Variants in SPATS2L observed in about 807,000 individuals in gnomAD.
SPATS2L encodes the protein SPATS2-like protein.
In SPATS2L, 30 loss-of-function variants were observed where a neutral mutation model predicts 59.6. The ratio of observed to expected loss-of-function variants is 0.50; its 90% confidence interval spans 0.38 to 0.68. The LOEUF is 0.68. SPATS2L is among the 30% of genes least tolerant of loss of function. The pLI is 0.00. For missense variants in SPATS2L, 615 were observed against 700.0 expected (o/e 0.88, Z 1.37); for synonymous variants, 252 against 263.5 (o/e 0.96, Z 0.42).
chr2:200,327,231 C>T (rs987336251), intron 1 of SPATS2L, among the ~76,000 whole-genome samples: 3 of 151,912 alleles, frequency 2.0e-5, no homozygotes, highest in South Asian at 4.2e-4. Flanking sequence ...TGGTGAAACC[C>T]CATCTCTATT....
intron 8 of SPATS2L, among the ~76,000 whole-genome samples, chr2:200,451,838 T>TC (rs1400430018): frequency 2.0e-5 from 3 of 147,010 alleles, no homozygotes; most frequent in East Asian, 2.0e-4. Flanking sequence ...TTTTCTTTTC[T>TC]TTTTTTGGAA....
In SPATS2L at chr2:200,333,588, G is replaced by T. The variant is rs2080033239; in HGVS notation, c.-23+4108G>T. On this transcript the variant is annotated intron_variant, in intron 2 of 12. Transcript: ENST00000409140. ...ACATATGTATACATGTGCCATGTTG[G>T]TGTGCTGCACCCATTAACTCGTCAT... 1.3e-5 allele frequency among the ~76,000 whole-genome samples: 2 copies of T among 151,876 alleles called. 1 individual carries two copies. Among genetic ancestry groups the T allele is most frequent in the South Asian group, 4.2e-4 (2 of 4,804 alleles).
In SPATS2L at chr2:200,478,189, A is replaced by G. The variant is rs2106262585; in HGVS notation, c.*158A>G. 11 of 656,338 alleles carry G rather than the reference A, an allele frequency of 1.7e-5. No homozygotes were observed. The highest frequency in any genetic ancestry group is 2.5e-5 in the Non-Finnish European group (11 of 438,160). 40.7% of individuals were successfully genotyped at this position (656,338 alleles called of 1,614,324 possible). ...TTTACTAATTCTAATAATCAGCTCT[A>G]GCTTGCTTCATAATTTTCATGGCTT... On this transcript the variant is annotated 3_prime_UTR_variant, in exon 13 of 13. Transcript: ENST00000409140.
chr2:200,424,045 T>C (rs1335643888), intron 6 of SPATS2L, among the ~76,000 whole-genome samples: 4 of 152,208 alleles, frequency 2.6e-5, no homozygotes, highest in Admixed American at 6.5e-5. Flanking sequence ...GCAGATCGTT[T>C]AGAAGTTTAG....
At chr2:200,429,326 A>C (rs1046569116) in intron 6 of SPATS2L, among the ~76,000 whole-genome samples, 4 of 152,254 alleles carry the variant, frequency 2.6e-5, no homozygotes, top group Admixed American at 6.5e-5. Flanking sequence ...GTCCACATTT[A>C]GCATGAGAGC....
chr2:200,369,130 A>T (rs2105887469), intron 2 of SPATS2L, among the ~76,000 whole-genome samples: 1 of 151,812 alleles, frequency 6.6e-6, no homozygotes, highest in South Asian at 2.1e-4. Flanking sequence ...TGTTCAAATT[A>T]ACTCATAAAA....
At chr2:200,388,598 A>C (rs1376925026) in intron 2 of SPATS2L, among the ~76,000 whole-genome samples, 1 of 69,376 alleles carries the variant, frequency 1.4e-5, no homozygotes, top group Non-Finnish European at 2.8e-5. Flanking sequence ...GCTCAAAAAA[A>C]AAGGTTTTGA....
rs115016607 is a variant in SPATS2L, at chr2:200,355,766, A to G, written c.-23+26286A>G. 2.8e-3 allele frequency among the ~76,000 whole-genome samples: 422 copies of G among 152,334 alleles called. 4 individuals are homozygous for G. The highest frequency in any genetic ancestry group is 9.7e-3 in the African/African-American group (404 of 41,584). ...AGCAAACACATTTGCAGGTAATTAG[A>G]AGACAGAATATAATTCAGACAATTT... On this transcript the variant is annotated intron_variant, in intron 2 of 12. Transcript: ENST00000409140.
chr2:200,435,182 C>T (rs1389484621), intron 6 of SPATS2L, among the ~76,000 whole-genome samples: 3 of 152,132 alleles, frequency 2.0e-5, no homozygotes, highest in Non-Finnish European at 2.9e-5. Flanking sequence ...GTGCACTCTC[C>T]ATATGTGTCT....
chr2:200,319,752 G>A (rs953775434), intron 1 of SPATS2L, among the ~76,000 whole-genome samples: 1 of 152,020 alleles, frequency 6.6e-6, no homozygotes, highest in African/African-American at 2.4e-5. Flanking sequence ...GTTCACATAC[G>A]AAGCTAAAGA....
At chr2:200,330,151 T>C (rs1018322996) in intron 2 of SPATS2L, among the ~76,000 whole-genome samples, 1 of 47,570 alleles carries the variant, frequency 2.1e-5, no homozygotes, top group African/African-American at 4.6e-5. Context: ...ATTGTCAAGA[T>C]GTTTTCAAGC....
At chr2:200,407,799 T>C (rs1030987982) in intron 3 of SPATS2L, among the ~76,000 whole-genome samples, 2 of 152,208 alleles carry the variant, frequency 1.3e-5, no homozygotes, top group Non-Finnish European at 2.9e-5. Context: ...CCCACTGTTA[T>C]CATGAGTGGT....
chr2:200,372,076 TG>T, intron 2 of SPATS2L: 1 of 985,448 alleles, frequency 1.0e-6, no homozygotes, highest in Non-Finnish European at 1.2e-6. Context: ...AGGTATCAGC[TG>T]GACTTGACTT....
In SPATS2L at chr2:200,448,152, A is replaced by G. The variant is rs543053144; in HGVS notation, c.788+7368A>G. Among the ~76,000 whole-genome samples, 13 of 152,258 alleles carry G rather than the reference A, an allele frequency of 8.5e-5. No individual in the cohort carries two copies. In the South Asian group the frequency reaches 2.7e-3, roughly 32 times the overall value. ...CAGAGAAAGACCCTGTCTCAAAAAC[A>G]AACAAACGGGTGGGCACAGTGGCCC... On this transcript the variant is annotated intron_variant, in intron 8 of 12. Coordinates refer to ENST00000409140, the MANE Select transcript of SPATS2L (RefSeq NM_001100423.2).
At chr2:200,434,969 G>A (rs1309218441) in intron 6 of SPATS2L, among the ~76,000 whole-genome samples, 3 of 152,088 alleles carry the variant, frequency 2.0e-5, no homozygotes, top group African/African-American at 4.8e-5. Context: ...CAGCTAGATC[G>A]GTGGAATAGA....
intron 3 of SPATS2L, among the ~76,000 whole-genome samples, chr2:200,402,458 C>G (rs1443595939): frequency 6.6e-6 from 1 of 152,188 alleles, no homozygotes; most frequent in Non-Finnish European, 1.5e-5. Context: ...ACGTTGTGCC[C>G]TCTTCCTGGA....
intron 2 of SPATS2L, among the ~76,000 whole-genome samples, chr2:200,359,672 G>A (rs549795184): frequency 1.9e-4 from 29 of 152,328 alleles, no homozygotes; most frequent in African/African-American, 7.0e-4. Context: ...TATTTGGCAT[G>A]CACCTCCCAT....
intron 1 of SPATS2L, among the ~76,000 whole-genome samples, chr2:200,312,930 G>A (rs7599609): frequency 0.4 from 60,480 of 152,094 alleles, 13,405 homozygotes; most frequent in East Asian, 0.73. Context: ...CATCATCATA[G>A]TTATCACTTA....
Position 200,384,364 on chromosome 2 carries a change from AT to A in SPATS2L, c.-22-4856del, listed in dbSNP as rs921354487. On this transcript the variant is annotated intron_variant, in intron 2 of 12. Coordinates refer to ENST00000409140, the MANE Select transcript of SPATS2L (RefSeq NM_001100423.2). ...TATTTATTTATTTATTTATTTATTT[AT>A]TTATTTGAGATGGAGTCTTGCTCTG... Among the ~76,000 whole-genome samples the A allele has an allele frequency of 1.2e-3, 181 of 151,622 alleles. 1 individual carries two copies. The highest frequency in any genetic ancestry group is 1.7e-3 in the Non-Finnish European group (117 of 67,940).
Sources: gnomAD v4.1 joint callset for allele counts (sites outside exome capture counted in the v4.1 genomes callset) on GRCh38, gnomAD v4.1.1 for gene constraint, MANE v1.5 for transcripts, NCBI Gene and HGNC (gene_info 2026-07-23, HGNC 2026-07-21) for gene names.